EPHA5: variants seen among roughly 807,000 people sequenced by gnomAD.
The protein encoded by EPHA5 is ephrin type-A receptor 5.
EPHA5 carries 60 observed loss-of-function variants against 105.0 expected under a neutral mutation model. The ratio of observed to expected loss-of-function variants is 0.57; its 90% CI spans 0.46 to 0.71. The LOEUF is 0.71. Ranked by LOEUF, EPHA5 falls within the 30% of genes least tolerant of loss-of-function variation. EPHA5 has a pLI of 0.00. For synonymous variants in EPHA5, 513 were observed against 449.1 expected (o/e 1.14, Z -1.80); for missense variants, 1,218 against 1,274.7 (o/e 0.96, Z 0.68).
At chr4:65,510,531 T>A (rs936081357) in intron 3 of EPHA5, among the ~76,000 whole-genome samples, 1 of 152,210 alleles carries the variant, frequency 6.6e-6, no homozygotes, top group Non-Finnish European at 1.5e-5. Context: ...TATATGACCC[T>A]TGACATTTCC....
At chr4:65,365,673 ATATAT>A (rs1347166598) in intron 10 of EPHA5, among the ~76,000 whole-genome samples, 1 of 124,190 alleles carries the variant, frequency 8.1e-6, no homozygotes, top group East Asian at 2.4e-4. Context: ...ATATATATAT[ATATAT>A]ATATATATAT....
intron 8 of EPHA5, among the ~76,000 whole-genome samples, chr4:65,371,747 G>A (rs1233395599): frequency 6.6e-6 from 1 of 151,920 alleles, no homozygotes; most frequent in Non-Finnish European, 1.5e-5. Context: ...CAAAACAATA[G>A]CCTCCATACT....
intron 3 of EPHA5, among the ~76,000 whole-genome samples, chr4:65,598,695 G>C (rs889833299): frequency 6.6e-5 from 10 of 152,198 alleles, no homozygotes; most frequent in Non-Finnish European, 1.3e-4. Context: ...CTTCTCTGTA[G>C]AAGGGATATT....
At chr4:65,444,854 C>A (rs530969193) in intron 5 of EPHA5, among the ~76,000 whole-genome samples, 32 of 152,032 alleles carry the variant, frequency 2.1e-4, no homozygotes, top group Non-Finnish European at 3.7e-4. Flanking sequence ...AACTTAAATT[C>A]TTTTATCCCT....
chr4:65,413,081 C>T (rs1228655721), intron 7 of EPHA5, among the ~76,000 whole-genome samples: 2 of 151,946 alleles, frequency 1.3e-5, no homozygotes, highest in Non-Finnish European at 2.9e-5. Flanking sequence ...TCCTACATCC[C>T]TTTTAGTTTC....
intron 8 of EPHA5, among the ~76,000 whole-genome samples, chr4:65,401,627 T>A (rs1019647279): frequency 6.6e-6 from 1 of 152,166 alleles, no homozygotes; most frequent in Non-Finnish European, 1.5e-5. Flanking sequence ...TGTCAGCATC[T>A]TAAACTATGT....
intron 2 of EPHA5, among the ~76,000 whole-genome samples, chr4:65,611,039 T>C (rs2149457716): frequency 6.6e-6 from 1 of 152,258 alleles, no homozygotes; most frequent in South Asian, 2.1e-4. Flanking sequence ...ATATCTTTCT[T>C]AAGAGTGATT....
intron 3 of EPHA5, among the ~76,000 whole-genome samples, chr4:65,570,456 C>T (rs896127990): frequency 6.6e-6 from 1 of 151,274 alleles, no homozygotes; most frequent in Non-Finnish European, 1.5e-5. Flanking sequence ...TTCCCCACCT[C>T]CCCCCACTCT....
chr4:65,437,715 A>C (rs893855597), intron 5 of EPHA5, among the ~76,000 whole-genome samples: 4 of 151,912 alleles, frequency 2.6e-5, no homozygotes, highest in African/African-American at 7.2e-5. Context: ...GTTCTGCCAA[A>C]ATGTAGTAAA....
In EPHA5 at chr4:65,352,067, G is replaced by A. The variant is rs114971824; in HGVS notation, c.2236-469C>T. ...CTGAGCAGTGATCAGGTCAATGTTAGCAATTTTTGGAAGTTTGTCGTCTTT... is the reference window on the plus strand; with the variant it reads ...CTGAGCAGTGATCAGGTCAATGTTAACAATTTTTGGAAGTTTGTCGTCTTT... On this transcript the variant is annotated intron_variant, in intron 12 of 16. Transcript: ENST00000613740. Among the ~76,000 whole-genome samples the A allele has an allele frequency of 5.0e-3, 767 of 152,096 alleles. 8 individuals carry two copies. The highest frequency in any genetic ancestry group is 0.017 in the African/African-American group (723 of 41,538).
intron 3 of EPHA5, among the ~76,000 whole-genome samples, chr4:65,575,960 A>C (rs1311751547): frequency 7.0e-6 from 1 of 143,824 alleles, no homozygotes; most frequent in Non-Finnish European, 1.5e-5. Context: ...CTGGTGACAG[A>C]GCGAGATTCC....
chr4:65,356,218 T>C (rs1350499292), intron 11 of EPHA5, among the ~76,000 whole-genome samples: 1 of 151,522 alleles, frequency 6.6e-6, no homozygotes, highest in Admixed American at 6.6e-5. Context: ...CTTTCTTCTT[T>C]CTTTTGTAGA....
intron 16 of EPHA5, among the ~76,000 whole-genome samples, chr4:65,325,719 G>A (rs535274174): frequency 6.6e-6 from 1 of 151,258 alleles, no homozygotes; most frequent in Non-Finnish European, 1.5e-5. Context: ...ACCAAACGAG[G>A]AATATAAGAG....
intron 2 of EPHA5, among the ~76,000 whole-genome samples, chr4:65,625,911 A>G (rs993640207): frequency 6.6e-6 from 1 of 152,088 alleles, no homozygotes; most frequent in African/African-American, 2.4e-5. Flanking sequence ...GGAGATCGAG[A>G]CCACGGTGAA....
intron 8 of EPHA5, among the ~76,000 whole-genome samples, chr4:65,376,661 A>G (rs1295278673): frequency 6.6e-6 from 1 of 151,992 alleles, no homozygotes. Flanking sequence ...GTAGCATTCT[A>G]CTTCCACGTG....
At chr4:65,623,828 G>T (rs114971828) in intron 2 of EPHA5, among the ~76,000 whole-genome samples, 1 of 152,100 alleles carries the variant, frequency 6.6e-6, no homozygotes, top group Non-Finnish European at 1.5e-5. Context: ...AAGATTATAA[G>T]TTATACAGGA....
intron 13 of EPHA5, among the ~76,000 whole-genome samples, chr4:65,349,571 A>AT (rs1469987641): frequency 6.6e-6 from 1 of 152,118 alleles, no homozygotes; most frequent in African/African-American, 2.4e-5. Flanking sequence ...TTTAATTTAC[A>AT]TTGCAAGGGA....
At chr4:65,326,336 C>G (rs1338211703) in intron 16 of EPHA5, among the ~76,000 whole-genome samples, 1 of 150,940 alleles carries the variant, frequency 6.6e-6, no homozygotes, top group Admixed American at 6.6e-5. Flanking sequence ...TATCATTATT[C>G]TAAGAGATGA....
chr4:65,464,524 A>G (rs1247634602), intron 5 of EPHA5, among the ~76,000 whole-genome samples: 1 of 152,130 alleles, frequency 6.6e-6, no homozygotes, highest in Non-Finnish European at 1.5e-5. Flanking sequence ...TTTGCCTAAC[A>G]GTAATTTTGA....
Sources: allele counts gnomAD v4.1 joint callset (sites outside exome capture counted in the v4.1 genomes callset), GRCh38; gene constraint gnomAD v4.1.1; transcripts MANE v1.5; gene names NCBI Gene and HGNC (gene_info 2026-07-23, HGNC 2026-07-21).